Variants in STAU2 observed in about 807,000 individuals in gnomAD.
The protein encoded by STAU2 is staufen double-stranded RNA binding protein 2, also known as double-stranded RNA-binding protein Staufen homolog 2.
Under a neutral mutation model 65.9 loss-of-function variants are expected in STAU2, and 20 were observed. The ratio of observed to expected loss-of-function variants is 0.30; its 90% CI spans 0.21 to 0.44. The LOEUF (loss-of-function observed/expected upper bound fraction) is 0.44. STAU2 is among the 20% of genes least tolerant of loss of function. STAU2 has a pLI of 1.00. For missense variants in STAU2, 558 were observed against 683.9 expected, an observed-to-expected ratio of 0.82 and a Z score of 2.05; for synonymous variants, 232 against 233.9, an observed-to-expected ratio of 0.99 and a Z score of 0.07.
intron 7 of STAU2, 175 bp from the exon 8 acceptor site, chr8:73,615,957 T>C: frequency 1.9e-6 from 1 of 517,656 alleles, no homozygotes; most frequent in East Asian, 3.2e-5. Flanking sequence ...CCAGGCTTTT[T>C]GTTACTCGAT....
At chr8:73,496,505 GTTTA>G in intron 13 of STAU2, among the ~76,000 whole-genome samples, 1 of 151,648 alleles carries the variant, frequency 6.6e-6, no homozygotes, top group African/African-American at 2.4e-5. Flanking sequence ...AGTTGTACAT[GTTTA>G]GATCAATCCC....
At chr8:73,616,594 C>T (rs748651940) in intron 7 of STAU2, among the ~76,000 whole-genome samples, 1 of 152,028 alleles carries the variant, frequency 6.6e-6, no homozygotes, top group Admixed American at 6.5e-5. Flanking sequence ...GTCAAGAGAT[C>T]GAGAACATCC....
intron 6 of STAU2, among the ~76,000 whole-genome samples, chr8:73,646,487 A>G (rs1335008504): frequency 6.6e-6 from 1 of 152,232 alleles, no homozygotes; most frequent in Non-Finnish European, 1.5e-5. Context: ...AAGGAGAGCT[A>G]TCCAACAAAT....
At chr8:73,537,590 A>G (rs1456531190) in intron 13 of STAU2, among the ~76,000 whole-genome samples, 1 of 152,238 alleles carries the variant, frequency 6.6e-6, no homozygotes, top group African/African-American at 2.4e-5. Context: ...AAGAACTGTC[A>G]GCCCAGACTT....
intron 3 of STAU2, among the ~76,000 whole-genome samples, chr8:73,736,479 T>C (rs1362140902): frequency 5.3e-5 from 8 of 152,208 alleles, no homozygotes; most frequent in Admixed American, 3.9e-4. Flanking sequence ...TGTCATGTTA[T>C]TAAACTAAAG....
At chr8:73,626,785 A>G (rs1422461607) in intron 6 of STAU2, among the ~76,000 whole-genome samples, 1 of 152,216 alleles carries the variant, frequency 6.6e-6, no homozygotes, top group Non-Finnish European at 1.5e-5. Flanking sequence ...ACTGGGAGGC[A>G]GTAGAACACA....
chr8:73,532,642 T>A (rs1242967249), intron 13 of STAU2, among the ~76,000 whole-genome samples: 2 of 152,084 alleles, frequency 1.3e-5, no homozygotes, highest in African/African-American at 4.8e-5. Flanking sequence ...ATATAAAAAA[T>A]TTTAAAAATG....
At chr8:73,606,817 A>G (rs1376671914) in intron 9 of STAU2, among the ~76,000 whole-genome samples, 1 of 152,248 alleles carries the variant, frequency 6.6e-6, no homozygotes, top group Non-Finnish European at 1.5e-5. Flanking sequence ...AATTAGAAAC[A>G]GCCCAAATAT....
At chr8:73,526,376 T>C (rs1431041503) in intron 13 of STAU2, among the ~76,000 whole-genome samples, 2 of 152,196 alleles carry the variant, frequency 1.3e-5, no homozygotes, top group Non-Finnish European at 2.9e-5. Context: ...TGAATAATGA[T>C]TGGAAACAAA....
chr8:73,707,340 A>C (rs1820580391), intron 4 of STAU2, among the ~76,000 whole-genome samples: 1 of 152,236 alleles, frequency 6.6e-6, no homozygotes, highest in Non-Finnish European at 1.5e-5. Flanking sequence ...TCACAGAAAG[A>C]TGAAAGACTG....
chr8:73,576,380 T>C (rs1809556768), intron 12 of STAU2, among the ~76,000 whole-genome samples: 2 of 151,790 alleles, frequency 1.3e-5, no homozygotes, highest in Admixed American at 6.6e-5. Flanking sequence ...GAGGGCAATA[T>C]ACCATACGAC....
rs751349117 is a variant in STAU2 at position 73,621,951 on chromosome 8, C to CTT, written c.411-4502_411-4501dup. On this transcript the variant is annotated intron_variant, in intron 6 of 14. Transcript: ENST00000524300. The stretch of plus-strand genomic sequence containing the variant: ...CTGCACAATGGTTAGGTCTTTCTCT[C>CTT]TTTTTTTTTTTTTTTTTTTTCCTGA... Among the ~76,000 whole-genome samples the CTT allele has an allele frequency of 2.4e-3, 307 of 129,874 alleles. 1 individual carries two copies. The highest frequency in any genetic ancestry group is 0.014 in the South Asian group (57 of 3,972). The allele number at this position is 129,874 out of a possible 152,430, so 85.2% of individuals were successfully genotyped here.
chr8:73,582,969 T>C lies in STAU2; in HGVS notation c.1162-139A>G, dbSNP rs2128962736. On this transcript the variant is annotated intron_variant, in intron 11 of 14. Transcript: ENST00000524300. ...ATTATCTCTATCTTTGACCCTGGGATGATGGCTACAAAAGAAACTAACATG... is the reference window on the plus strand; with the variant it reads ...ATTATCTCTATCTTTGACCCTGGGACGATGGCTACAAAAGAAACTAACATG... 2.3e-5 allele frequency: 15 copies of C among 665,962 alleles called. No individual in the cohort carries two copies. The South Asian group carries it at 3.1e-4, about 14-fold the overall frequency. The allele number at this position is 665,962 out of a possible 1,614,324, so 41.3% of individuals were successfully genotyped here.
chr8:73,639,105 T>TAA (rs1298904211), intron 6 of STAU2, among the ~76,000 whole-genome samples: 1 of 152,068 alleles, frequency 6.6e-6, no homozygotes, highest in Non-Finnish European at 1.5e-5. Context: ...AAATTCTTGT[T>TAA]AAAGTTCAAC....
rs146058185 is a variant in STAU2 at position 73,444,320 on chromosome 8, C to T, written c.1531-21618G>A. 1.3e-3 allele frequency among the ~76,000 whole-genome samples: 204 copies of T among 151,302 alleles called. 1 individual carries two copies. Among genetic ancestry groups the T allele is most frequent in the African/African-American group, 4.7e-3 (195 of 41,170 alleles). ...ACTCTGGAGGTGGAGGCAGGAGAAT[C>T]GCTTGAATCCAGGAGGTGGAGGTTG... On this transcript the variant is annotated intron_variant, in intron 13 of 14. Transcript: ENST00000524300.
chr8:73,536,181 C>T (rs1431058017), intron 13 of STAU2, among the ~76,000 whole-genome samples: 5 of 152,076 alleles, frequency 3.3e-5, no homozygotes, highest in African/African-American at 4.8e-5. Context: ...ATAAAATAAG[C>T]ATAATTCCAA....
intron 13 of STAU2, chr8:73,549,958 C>G: frequency 1.0e-6 from 1 of 985,746 alleles, no homozygotes; most frequent in Non-Finnish European, 1.2e-6. Context: ...AGAGGGTTAC[C>G]TATAAAGAAA....
At chr8:73,640,766 A>G (rs1290758980) in intron 6 of STAU2, among the ~76,000 whole-genome samples, 1 of 152,212 alleles carries the variant, frequency 6.6e-6, no homozygotes, top group African/African-American at 2.4e-5. Flanking sequence ...GAAATACATG[A>G]AAAGTAGTTA....
intron 13 of STAU2, among the ~76,000 whole-genome samples, chr8:73,471,380 GT>G (rs1820003216): frequency 6.6e-6 from 1 of 150,968 alleles, no homozygotes; most frequent in African/African-American, 2.4e-5. Flanking sequence ...TAAAGATGGC[GT>G]TTTACTATGT....
Sources: allele counts gnomAD v4.1 joint callset (sites outside exome capture counted in the v4.1 genomes callset), GRCh38; gene constraint gnomAD v4.1.1; transcripts MANE v1.5; gene names NCBI Gene and HGNC (gene_info 2026-07-23, HGNC 2026-07-21).